The following OSBP2 variants were observed in gnomAD, a reference collection of about 807,000 sequenced individuals.
OSBP2 encodes the protein oxysterol-binding protein 2.
OSBP2 carries 66 observed loss-of-function variants against 96.0 expected under a neutral mutation model. The observed-to-expected ratio is 0.69, with a 90% CI of 0.56 to 0.84. The LOEUF is 0.84. Ranked by LOEUF, OSBP2 falls within the 40% of genes least tolerant of loss-of-function variation. The pLI is 0.00. For synonymous variants in OSBP2, 525 were observed against 520.9 expected (o/e 1.01, Z -0.11); for missense variants, 1,038 against 1,222.7 (o/e 0.85, Z 2.25).
At chr22:30,779,771 G>A (rs1463418675) in intron 2 of OSBP2, among the ~76,000 whole-genome samples, 1 of 152,192 alleles carries the variant, frequency 6.6e-6, no homozygotes. Context: ...AGAGCTGAGG[G>A]GACAAAGGAG....
chr22:30,870,363 G>T lies in OSBP2; in HGVS notation c.854-66G>T. The T allele has an allele frequency of 6.5e-7, 1 of 1,541,644 alleles. No homozygotes were observed. The highest frequency in any genetic ancestry group is 8.9e-7 in the Non-Finnish European group (1 of 1,126,546). On this transcript the variant is annotated intron_variant, in intron 2 of 13. Coordinates refer to ENST00000332585, the MANE Select transcript of OSBP2 (RefSeq NM_030758.4). The surrounding 1 kb of genome is among the most constrained non-coding windows in gnomAD (Gnocchi z 4.1). The stretch of plus-strand genomic sequence containing the variant: ...TATCCACCCTGCCCTGCTCGGCCTG[G>T]CTGTGCAGGCCTCTTGGTACCACGT...
chr22:30,734,881 TAAAACTGA>T (rs2089827171), intron 1 of OSBP2, among the ~76,000 whole-genome samples: 1 of 152,190 alleles, frequency 6.6e-6, no homozygotes, highest in Non-Finnish European at 1.5e-5. Context: ...TGTAGAAAGA[TAAAACTGA>T]AAAGTTAAAG....
intron 3 of OSBP2, chr22:30,872,446 C>T (rs2039478619): frequency 2.2e-6 from 1 of 449,144 alleles, no homozygotes; most frequent in South Asian, 1.6e-5. Context: ...TTTTATCAGA[C>T]ATCAGAGGCT....
chr22:30,789,492 A>G lies in OSBP2; in HGVS notation c.853+48123A>G, dbSNP rs545395883. ...TTTCCAGGAGCCTGCAGCTAACACA[A>G]GTGAATGAGTGATTTCCTCGTCATT... On this transcript the variant is annotated intron_variant, in intron 2 of 13. Coordinates refer to ENST00000332585, the MANE Select transcript of OSBP2 (RefSeq NM_030758.4). Among the ~76,000 whole-genome samples, 16 of 152,300 alleles carry G rather than the reference A, an allele frequency of 1.1e-4. No individual in the cohort carries two copies. The South Asian group carries it at 3.3e-3, about 32-fold the overall frequency.
intron 2 of OSBP2, among the ~76,000 whole-genome samples, chr22:30,849,121 A>C (rs1290663948): frequency 1.3e-5 from 2 of 149,760 alleles, no homozygotes; most frequent in Non-Finnish European, 3.0e-5. Flanking sequence ...TTTAAAAATT[A>C]GCCAGGCATG....
At chr22:30,717,088 TTTTGTG>T (rs1569094525) in intron 1 of OSBP2, among the ~76,000 whole-genome samples, 1 of 100,632 alleles carries the variant, frequency 9.9e-6, no homozygotes, top group African/African-American at 3.5e-5. Flanking sequence ...ATTTTACTGT[TTTTGTG>T]TGTGTGTGTG....
intron 3 of OSBP2, among the ~76,000 whole-genome samples, chr22:30,876,270 C>A (rs1335267767): frequency 2.0e-5 from 3 of 152,230 alleles, no homozygotes; most frequent in African/African-American, 4.8e-5. Context: ...GGCTCTGAAG[C>A]CCCCCTCCTC....
chr22:30,837,756 C>T (rs1480368599), intron 2 of OSBP2, among the ~76,000 whole-genome samples: 1 of 152,150 alleles, frequency 6.6e-6, no homozygotes. Context: ...ATGCAAGCCA[C>T]AGGAGGAGTC....
At position 30,890,900 on chromosome 22, in the gene OSBP2, T is replaced by C. The variant is rs1225187788; in HGVS notation, c.1796T>C (p.Phe599Ser). ...ACAGTGCACCGCATCGCCAAGCCCT[T>C]CAACCCCATGCTGGGGGAGACCTTC... ...STTVHRIAKPFNPMLGETFEL... is the reference protein window; with the variant it reads ...STTVHRIAKPSNPMLGETFEL... The change falls in exon 8 of 14, where the codon TTC (phenylalanine) becomes TCC (serine). Residue 599 changes from phenylalanine to serine, a missense_variant. Coordinates refer to ENST00000332585, the MANE Select transcript of OSBP2 (RefSeq NM_030758.4). The surrounding 1 kb of genome is among the most constrained non-coding windows in gnomAD (Gnocchi z 4.4). The C allele has an allele frequency of 3.1e-6, 5 of 1,613,462 alleles. No homozygotes were observed. The highest frequency in any genetic ancestry group is 3.4e-6 in the Non-Finnish European group (4 of 1,180,026).
chr22:30,816,380 C>T (rs2091083504), intron 2 of OSBP2, among the ~76,000 whole-genome samples: 1 of 152,138 alleles, frequency 6.6e-6, no homozygotes, highest in South Asian at 2.1e-4. Flanking sequence ...AGTATTTAGA[C>T]TTCAACAAGC....
At chr22:30,821,254 C>T (rs924868632) in intron 2 of OSBP2, among the ~76,000 whole-genome samples, 2 of 150,942 alleles carry the variant, frequency 1.3e-5, no homozygotes, top group Non-Finnish European at 2.9e-5. Flanking sequence ...GTCTGACATA[C>T]AGTGTACAGG....
rs940190075 is a variant in OSBP2, at chr22:30,889,163, C to G, written c.1419-14C>G. ...GGATTCATTAGTAACTTGCCTCCCG[C>G]TTTGTATTTCCAGCAGAAAAGCTGA... On this transcript the variant is annotated splice_polypyrimidine_tract_variant and intron_variant, in intron 5 of 13. Transcript: ENST00000332585. The G allele has an allele frequency of 3.5e-5, 57 of 1,611,926 alleles. No individual in the cohort carries two copies. The highest frequency in any genetic ancestry group is 4.7e-5 in the Non-Finnish European group (56 of 1,179,098).
chr22:30,722,787 C>T (rs1393701958), intron 1 of OSBP2, among the ~76,000 whole-genome samples: 3 of 95,880 alleles, frequency 3.1e-5, no homozygotes, highest in African/African-American at 4.1e-5. Context: ...CTCTCTCTGT[C>T]TTTTTTTTTT....
At chr22:30,771,177 A>G (rs561758222) in intron 2 of OSBP2, among the ~76,000 whole-genome samples, 2 of 152,242 alleles carry the variant, frequency 1.3e-5, no homozygotes, top group East Asian at 3.9e-4. Flanking sequence ...GAGGGCAGGC[A>G]AAAGTCGTTT....
chr22:30,791,829 A>C (rs1685717968), intron 2 of OSBP2, among the ~76,000 whole-genome samples: 1 of 152,144 alleles, frequency 6.6e-6, no homozygotes, highest in Admixed American at 6.6e-5. Flanking sequence ...GCCAGTGGGG[A>C]TTTCAGGAGC....
intron 2 of OSBP2, among the ~76,000 whole-genome samples, chr22:30,769,154 G>A (rs2090316658): frequency 6.6e-6 from 1 of 152,212 alleles, no homozygotes; most frequent in South Asian, 2.1e-4. Flanking sequence ...CTGAATCACA[G>A]TACCATGCCT....
At chr22:30,900,292 G>T (rs1277737283) in intron 12 of OSBP2, among the ~76,000 whole-genome samples, 2 of 151,678 alleles carry the variant, frequency 1.3e-5, no homozygotes, top group Non-Finnish European at 2.9e-5. Context: ...TAACATCAAG[G>T]ACCTTGTAAT....
intron 5 of OSBP2, 85 bp downstream of exon 5, chr22:30,888,425 C>T: frequency 1.2e-6 from 1 of 864,644 alleles, no homozygotes; most frequent in Non-Finnish European, 1.9e-6. Context: ...TAGTTGTCTA[C>T]TTGGGGTTTT....
At chr22:30,727,711 T>C (rs887840351) in intron 1 of OSBP2, among the ~76,000 whole-genome samples, 1 of 152,070 alleles carries the variant, frequency 6.6e-6, no homozygotes, top group African/African-American at 2.4e-5. Context: ...TTAACCTAAG[T>C]CTAATATGCG....
Sources: gnomAD v4.1 joint callset for allele counts (sites outside exome capture counted in the v4.1 genomes callset) on GRCh38, gnomAD v4.1.1 for gene constraint, Gnocchi (gnomAD v3.1) non-coding constraint, MANE v1.5 for transcripts, NCBI Gene and HGNC (gene_info 2026-07-23, HGNC 2026-07-21) for gene names.